Variants in RGL1 observed in about 807,000 individuals in gnomAD.
The protein encoded by RGL1 is ral guanine nucleotide dissociation stimulator like 1.
RGL1 carries 24 observed loss-of-function variants against 95.2 expected under a neutral mutation model. That is an observed-to-expected ratio of 0.25 (90% CI 0.18 to 0.35). RGL1 has a LOEUF of 0.35. Ranked by LOEUF, RGL1 falls within the 10% of genes least tolerant of loss-of-function variation. The probability of loss-of-function intolerance (pLI) is 1.00; values close to 1 mark genes in which losing one functional copy is unlikely to be tolerated. For missense variants in RGL1, 715 were observed against 936.3 expected, an observed-to-expected ratio of 0.76 and a Z score of 3.08; for synonymous variants, 329 against 344.9, an observed-to-expected ratio of 0.95 and a Z score of 0.51.
chr1:183,674,106 G>A (rs1479781510), intron 1 of RGL1, among the ~76,000 whole-genome samples: 6 of 152,044 alleles, frequency 3.9e-5, no homozygotes, highest in South Asian at 4.1e-4. Flanking sequence ...CAAAGGACTC[G>A]CTTTCCCTGA....
chr1:183,798,275 A>G (rs1235890281), intron 2 of RGL1, among the ~76,000 whole-genome samples: 1 of 152,230 alleles, frequency 6.6e-6, no homozygotes, highest in Non-Finnish European at 1.5e-5. Context: ...TTTGAGGATG[A>G]CAAAGCCAAG....
At chr1:183,640,293 C>A (rs1649838459) in intron 1 of RGL1, among the ~76,000 whole-genome samples, 2 of 152,142 alleles carry the variant, frequency 1.3e-5, no homozygotes, top group South Asian at 4.1e-4. Context: ...ATCTGAATTG[C>A]TGCAGTCCTA....
chr1:183,639,030 A>G (rs770823822), intron 1 of RGL1, among the ~76,000 whole-genome samples: 3 of 152,254 alleles, frequency 2.0e-5, no homozygotes, highest in Non-Finnish European at 4.4e-5. Flanking sequence ...CTGTAATCCC[A>G]GCACTTTGGG....
chr1:183,907,357 C>G (rs1250159816), intron 14 of RGL1, among the ~76,000 whole-genome samples: 2 of 151,826 alleles, frequency 1.3e-5, no homozygotes, highest in Admixed American at 6.6e-5. Context: ...TCTGGCTGCC[C>G]CTTACCCAAC....
At chr1:183,888,108 T>C (rs1667220678) in intron 7 of RGL1, among the ~76,000 whole-genome samples, 1 of 152,180 alleles carries the variant, frequency 6.6e-6, no homozygotes, top group African/African-American at 2.4e-5. Context: ...AAAGAAGATC[T>C]AAAGTGCATA....
Position 183,811,475 on chromosome 1 carries a change from G to A in RGL1, c.138+4990G>A, listed in dbSNP as rs58551979. Among the ~76,000 whole-genome samples, 973 of 152,288 alleles carry A rather than the reference G, an allele frequency of 6.4e-3. 8 individuals are homozygous for A. The highest frequency in any genetic ancestry group is 0.021 in the African/African-American group (867 of 41,548). ...CAGGCCCTTGGGTTGCATTATATGT[G>A]TCTATTGGAATGTTTAATTTAGGCT... On this transcript the variant is annotated intron_variant, in intron 2 of 17. Coordinates refer to ENST00000360851, the MANE Select transcript of RGL1 (RefSeq NM_001297671.3).
intron 2 of RGL1, among the ~76,000 whole-genome samples, chr1:183,822,848 A>G (rs1380332915): frequency 4.6e-5 from 7 of 152,098 alleles, no homozygotes; most frequent in African/African-American, 1.7e-4. Flanking sequence ...GTGATTTCCT[A>G]TGTCTCACTT....
intron 2 of RGL1, among the ~76,000 whole-genome samples, chr1:183,834,202 A>G (rs971995249): frequency 1.3e-5 from 2 of 152,176 alleles, no homozygotes; most frequent in African/African-American, 4.8e-5. Flanking sequence ...TAGGAACTCA[A>G]CAAATATTTG....
intron 2 of RGL1, among the ~76,000 whole-genome samples, chr1:183,759,805 G>T (rs1235718650): frequency 1.3e-5 from 2 of 152,146 alleles, no homozygotes; most frequent in African/African-American, 2.4e-5. Context: ...TAAACTAAAG[G>T]TGGATACTGA....
rs146239152 is a variant in RGL1, at chr1:183,907,139, T to A, written c.1562+38T>A. 576 of 1,295,674 alleles carry A rather than the reference T, an allele frequency of 4.4e-4. 2 individuals carry two copies. The African/African-American group carries it at 7.2e-3, about 16-fold the overall frequency. The allele number at this position is 1,295,674 out of a possible 1,614,324, so 80.3% of individuals were successfully genotyped here. A position where few individuals can be genotyped will look rare whatever the true frequency, so the allele number is the denominator to read the frequency against. ...TGGGGGTTCTGGGGCTCCAAGAGGG[T>A]GCCATCAGAGTCGTGAGAGGAGATG... On this transcript the variant is annotated intron_variant, in intron 14 of 17. Coordinates refer to ENST00000360851, the MANE Select transcript of RGL1 (RefSeq NM_001297671.3).
chr1:183,751,443 TG>T (rs1221547986), intron 2 of RGL1, among the ~76,000 whole-genome samples: 7 of 152,206 alleles, frequency 4.6e-5, no homozygotes, highest in African/African-American at 1.7e-4. Context: ...ACTGCTGTGC[TG>T]GCAGTGATAA....
intron 1 of RGL1, among the ~76,000 whole-genome samples, chr1:183,660,320 G>T (rs146583687): frequency 6.6e-6 from 1 of 151,858 alleles, no homozygotes; most frequent in Non-Finnish European, 1.5e-5. Flanking sequence ...CCCATCTCAC[G>T]TGCAGAGACA....
chr1:183,922,526 G>A (rs1046196857), intron 17 of RGL1, among the ~76,000 whole-genome samples, 190 bp downstream of exon 17: 14 of 152,180 alleles, frequency 9.2e-5, no homozygotes, highest in Non-Finnish European at 1.3e-4. Context: ...ATCTCAAACC[G>A]CTCTCCGATT....
intron 1 of RGL1, among the ~76,000 whole-genome samples, chr1:183,659,024 CAG>C (rs1382368053): frequency 6.6e-6 from 1 of 152,010 alleles, no homozygotes; most frequent in Non-Finnish European, 1.5e-5. Context: ...AACTAACAAA[CAG>C]AAAGGACATC....
chr1:183,693,659 C>T (rs1181816574), intron 1 of RGL1, among the ~76,000 whole-genome samples: 3 of 151,688 alleles, frequency 2.0e-5, no homozygotes, highest in African/African-American at 7.3e-5. Flanking sequence ...AGCTCTGCTC[C>T]AATCCTGAGG....
At chr1:183,720,883 T>G (rs1655980198) in intron 1 of RGL1, among the ~76,000 whole-genome samples, 1 of 152,162 alleles carries the variant, frequency 6.6e-6, no homozygotes, top group African/African-American at 2.4e-5. Flanking sequence ...TGGATGTGGG[T>G]ACTGAGCAAG....
At chr1:183,742,157 G>T in exon 2 of RGL1, 1 of 1,613,970 alleles carries the variant, frequency 6.2e-7, no homozygotes, top group Non-Finnish European at 8.5e-7. Context: ...CCTCTTTCAA[G>T]ATGGAGGTGA....
At chr1:183,725,564 A>G (rs1287985867) in intron 1 of RGL1, among the ~76,000 whole-genome samples, 1 of 152,226 alleles carries the variant, frequency 6.6e-6, no homozygotes, top group Non-Finnish European at 1.5e-5. Context: ...AAAAAATAAG[A>G]ACTATTACCA....
chr1:183,671,644 A>T (rs987377188), intron 1 of RGL1, among the ~76,000 whole-genome samples: 9 of 152,130 alleles, frequency 5.9e-5, no homozygotes, highest in Non-Finnish European at 1.3e-4. Flanking sequence ...ATCTCCAAAG[A>T]TACCACATTT....
Sources: allele counts gnomAD v4.1 joint callset (sites outside exome capture counted in the v4.1 genomes callset), GRCh38; gene constraint gnomAD v4.1.1; transcripts MANE v1.5; gene names NCBI Gene and HGNC (gene_info 2026-07-23, HGNC 2026-07-21).